The following GADL1 variants were observed in gnomAD, a reference collection of about 807,000 sequenced individuals.
GADL1 encodes acidic amino acid decarboxylase GADL1.
Under a neutral mutation model 69.5 loss-of-function variants are expected in GADL1, and 71 were observed. The observed-to-expected ratio is 1.02, with a 90% CI of 0.84 to 1.25. GADL1 has a LOEUF of 1.25. GADL1 is among the 50% of genes most tolerant of loss of function. The pLI is 0.00. For synonymous variants in GADL1, 254 were observed against 214.4 expected, an observed-to-expected ratio of 1.18 and a Z score of -1.62; for missense variants, 737 against 631.8, an observed-to-expected ratio of 1.17 and a Z score of -1.79.
At chr3:30,843,644 A>G (rs1698006943) in intron 8 of GADL1, among the ~76,000 whole-genome samples, 1 of 152,200 alleles carries the variant, frequency 6.6e-6, no homozygotes, top group Non-Finnish European at 1.5e-5. Context: ...GCCTTCTCCA[A>G]TATTTCAGTT....
intron 11 of GADL1, among the ~76,000 whole-genome samples, chr3:30,806,741 G>A (rs1697263430): frequency 6.6e-6 from 1 of 152,260 alleles, no homozygotes; most frequent in African/African-American, 2.4e-5. Flanking sequence ...GAAAAGTGAG[G>A]GACAGCTGGA....
At chr3:30,795,703 C>A (rs1389169376) in intron 12 of GADL1, among the ~76,000 whole-genome samples, 1 of 152,098 alleles carries the variant, frequency 6.6e-6, no homozygotes, top group African/African-American at 2.4e-5. Context: ...TACTATAAAT[C>A]TTAATTCTAG....
intron 1 of GADL1, among the ~76,000 whole-genome samples, chr3:30,871,556 G>A (rs1698481517): frequency 6.6e-6 from 1 of 151,796 alleles, no homozygotes; most frequent in South Asian, 2.1e-4. Flanking sequence ...GATAAAAAGT[G>A]ACAGAATAAG....
intron 1 of GADL1, among the ~76,000 whole-genome samples, chr3:30,873,021 TA>T (rs769705149): frequency 1.3e-5 from 2 of 151,914 alleles, no homozygotes; most frequent in Non-Finnish European, 2.9e-5. Context: ...TTCCCATGTA[TA>T]ATTCTGGATG....
In GADL1 at chr3:30,801,013, CAT is replaced by C; in HGVS notation, c.1124_1125del (p.Tyr375Ter). On this transcript the variant is annotated frameshift_variant, in exon 12 of 15. Coordinates refer to ENST00000282538, the MANE Select transcript of GADL1 (RefSeq NM_207359.3). LOFTEE classifies it high-confidence loss of function. ...CACTGGATAGACTTGTCTCCTGTGT[CAT>C]AGCTCACATCATAGAATTTATCCTG... ...FQQDKFYDVS[Y>X]DTGDKSIQCS... 6.2e-7 allele frequency: 1 copy of C among 1,613,868 alleles called. No individual in the cohort carries two copies. The highest frequency in any genetic ancestry group is 8.5e-7 in the Non-Finnish European group (1 of 1,179,826).
Position 30,805,004 on chromosome 3 carries a change from A to C in GADL1, c.1051-3916T>G, listed in dbSNP as rs149017235. Among the ~76,000 whole-genome samples the C allele has an allele frequency of 3.2e-4, 48 of 152,344 alleles. No individual in the cohort carries two copies. The East Asian group carries it at 8.1e-3, about 26-fold the overall frequency. On this transcript the variant is annotated intron_variant, in intron 11 of 14. Transcript: ENST00000282538. ...AAAGAATGGATTGGATTATACAGTA[A>C]AGAGAAGCCAATGACAAGCACAGAA...
chr3:30,806,251 AATC>A (rs1697254127), intron 11 of GADL1, among the ~76,000 whole-genome samples: 1 of 152,164 alleles, frequency 6.6e-6, no homozygotes, highest in Admixed American at 6.5e-5. Flanking sequence ...TAGGAATATT[AATC>A]ATCTTTTAAT....
chr3:30,759,191 C>A (rs1007278793), intron 14 of GADL1, among the ~76,000 whole-genome samples: 3 of 152,178 alleles, frequency 2.0e-5, no homozygotes, highest in African/African-American at 7.2e-5. Context: ...GCTCCCTGGG[C>A]AGCCCAGTTC....
chr3:30,855,130 T>C (rs942138467), intron 3 of GADL1, among the ~76,000 whole-genome samples: 1 of 152,088 alleles, frequency 6.6e-6, no homozygotes. Flanking sequence ...TTGTGCACTT[T>C]ACTGAATATA....
intron 14 of GADL1, among the ~76,000 whole-genome samples, chr3:30,761,535 C>T (rs373783796): frequency 5.3e-5 from 8 of 152,116 alleles, no homozygotes; most frequent in Non-Finnish European, 1.0e-4. Context: ...ATTTTTAGTG[C>T]AAAGAATTAT....
At chr3:30,847,284 A>C (rs1698074714) in intron 6 of GADL1, among the ~76,000 whole-genome samples, 1 of 152,160 alleles carries the variant, frequency 6.6e-6, no homozygotes, top group South Asian at 2.1e-4. Flanking sequence ...ATAAAAGCCT[A>C]ACACATGCAA....
At chr3:30,801,263 C>T (rs1697159804) in intron 11 of GADL1, among the ~76,000 whole-genome samples, 175 bp from the exon 12 acceptor site, 1 of 152,060 alleles carries the variant, frequency 6.6e-6, no homozygotes, top group Non-Finnish European at 1.5e-5. Flanking sequence ...TACACATTAC[C>T]CATGGTGTTA....
At chr3:30,800,686 A>G in intron 12 of GADL1, 2 of 584,084 alleles carry the variant, frequency 3.4e-6, no homozygotes, top group Non-Finnish European at 6.1e-6. Context: ...CATAATTCCT[A>G]ACACTTAGTA....
At chr3:30,855,143 T>TTA (rs1698207652) in intron 3 of GADL1, among the ~76,000 whole-genome samples, 1 of 151,996 alleles carries the variant, frequency 6.6e-6, no homozygotes, top group Non-Finnish European at 1.5e-5. Flanking sequence ...TGAATATAAA[T>TTA]TATACCTCAT....
chr3:30,759,565 G>A (rs187979400), intron 14 of GADL1, among the ~76,000 whole-genome samples: 21 of 152,274 alleles, frequency 1.4e-4, no homozygotes, highest in Non-Finnish European at 2.5e-4. Context: ...TAACACTGTG[G>A]TAAGCTAAAG....
At chr3:30,877,656 C>T (rs1355008230) in intron 1 of GADL1, among the ~76,000 whole-genome samples, 1 of 151,774 alleles carries the variant, frequency 6.6e-6, no homozygotes, top group Non-Finnish European at 1.5e-5. Flanking sequence ...TGTAAGTCAA[C>T]ACAAAGTATT....
intron 14 of GADL1, among the ~76,000 whole-genome samples, chr3:30,746,565 A>G (rs1170862516): frequency 1.3e-5 from 2 of 152,174 alleles, no homozygotes; most frequent in Non-Finnish European, 2.9e-5. Flanking sequence ...CAGGTGCACC[A>G]GGTGAGACAG....
rs1001441852 is a variant in GADL1 at position 30,811,241 on chromosome 3, T to C, written c.1051-10153A>G. Among the ~76,000 whole-genome samples the C allele has an allele frequency of 1.3e-5, 2 of 152,296 alleles. 1 individual carries two copies. ...TGAGCTGCTTAGAAAATGAGGAGAC[T>C]GAACTAAGATATTTTTAGAAATGCA... On this transcript the variant is annotated intron_variant, in intron 11 of 14. Transcript: ENST00000282538.
chr3:30,737,886 C>T lies in GADL1; in HGVS notation c.1393-9471G>A, dbSNP rs532430128. 5.9e-5 allele frequency among the ~76,000 whole-genome samples: 9 copies of T among 152,250 alleles called. No individual in the cohort carries two copies. The South Asian group carries it at 1.7e-3, about 28-fold the overall frequency. On this transcript the variant is annotated intron_variant, in intron 14 of 14. Coordinates refer to ENST00000282538, the MANE Select transcript of GADL1 (RefSeq NM_207359.3). ...GCTACAGAAACAAAGAGTTTAGAAACCCCAAAAGCCAGAAAAACACAGTGA... is the reference window on the plus strand; with the variant it reads ...GCTACAGAAACAAAGAGTTTAGAAATCCCAAAAGCCAGAAAAACACAGTGA...
Sources: allele counts gnomAD v4.1 joint callset (sites outside exome capture counted in the v4.1 genomes callset), GRCh38; gene constraint gnomAD v4.1.1; transcripts MANE v1.5; gene names NCBI Gene and HGNC (gene_info 2026-07-23, HGNC 2026-07-21).